Variants in NSD3 observed in about 807,000 individuals in gnomAD.
NSD3 encodes histone-lysine N-methyltransferase NSD3.
In NSD3, 24 loss-of-function variants were observed where a neutral mutation model predicts 160.8. The ratio of observed to expected loss-of-function variants is 0.15; its 90% CI spans 0.11 to 0.21. The LOEUF (loss-of-function observed/expected upper bound fraction) is 0.21. NSD3 is among the 10% of genes least tolerant of loss of function. The pLI, the probability that NSD3 is intolerant of heterozygous loss-of-function variation, is 1.00. For missense variants in NSD3, 1,157 were observed against 1,735.9 expected (o/e 0.67, Z 5.93); for synonymous variants, 520 against 600.0 (o/e 0.87, Z 1.95).
At chr8:38,370,420 G>A (rs952663746) in intron 1 of NSD3, among the ~76,000 whole-genome samples, 11 of 145,554 alleles carry the variant, frequency 7.6e-5, no homozygotes, top group Middle Eastern at 3.3e-3. Flanking sequence ...TCGCTCTGTC[G>A]CCCAGGCTCA....
chr8:38,338,821 C>T (rs1810288292), intron 2 of NSD3, among the ~76,000 whole-genome samples: 1 of 152,108 alleles, frequency 6.6e-6, no homozygotes, highest in African/African-American at 2.4e-5. Flanking sequence ...AGCTTTATCT[C>T]CTTTTTCTTA....
In NSD3 at chr8:38,276,347, A is replaced by G; in HGVS notation, c.4021T>C (p.Cys1341Arg). Residue 1341 changes from cysteine (C) to arginine (R), a missense_variant, in exon 23 of 24, where the codon TGT becomes CGT. By Grantham distance (180) the Cys-to-Arg change is radical. Coordinates refer to ENST00000317025, the MANE Select transcript of NSD3 (RefSeq NM_023034.2). ...CATAGGAGGTGGTATGCTTTGGGAC[A>G]GTCTTTTTTGTCACACATGACCAGC... is the stretch of plus-strand genomic sequence containing the variant. ...GELVMCDKKD[C>R]PKAYHLLCLN... The G allele has an allele frequency of 6.2e-7, 1 of 1,614,228 alleles. No individual in the cohort carries two copies. The highest frequency in any genetic ancestry group is 8.5e-7 in the Non-Finnish European group (1 of 1,180,034).
intron 1 of NSD3, among the ~76,000 whole-genome samples, chr8:38,354,390 TACAC>T (rs1417917901): frequency 1.3e-5 from 2 of 152,244 alleles, no homozygotes; most frequent in African/African-American, 2.4e-5. Context: ...TGGATTTAAA[TACAC>T]ACAAACACAA....
At chr8:38,377,827 G>C (rs1456557940) in intron 1 of NSD3, among the ~76,000 whole-genome samples, 1 of 152,008 alleles carries the variant, frequency 6.6e-6, no homozygotes, top group Non-Finnish European at 1.5e-5. Flanking sequence ...CAGCTACTCG[G>C]GAGACTGAGG....
rs1406226745 is a variant in NSD3, at chr8:38,279,531, C to G, written c.3760+9G>C. On this transcript the variant is annotated intron_variant, in intron 21 of 23. Coordinates refer to ENST00000317025, the MANE Select transcript of NSD3 (RefSeq NM_023034.2). ...GGAGGAAAGCATGGGGAACGAGTCACTTTTTTACCTGCAGGAATATCACAG... is the reference window on the plus strand; with the variant it reads ...GGAGGAAAGCATGGGGAACGAGTCAGTTTTTTACCTGCAGGAATATCACAG... 6.2e-7 allele frequency: 1 copy of G among 1,613,256 alleles called. No individual in the cohort carries two copies.
intron 2 of NSD3, among the ~76,000 whole-genome samples, chr8:38,339,536 C>A (rs1057324410): frequency 6.6e-6 from 1 of 152,050 alleles, no homozygotes; most frequent in East Asian, 1.9e-4. Flanking sequence ...ACCATCCTGG[C>A]CAACATGGTG....
intron 6 of NSD3, among the ~76,000 whole-genome samples, chr8:38,327,979 ACAGCT>A (rs1037588497): frequency 6.6e-6 from 1 of 152,202 alleles, no homozygotes; most frequent in African/African-American, 2.4e-5. Context: ...AGGCAGGAGA[ACAGCT>A]AGAGGCCAGG....
intron 1 of NSD3, among the ~76,000 whole-genome samples, chr8:38,351,386 C>T (rs928330957): frequency 2.0e-5 from 3 of 150,378 alleles, no homozygotes; most frequent in African/African-American, 4.9e-5. Context: ...ATCCTGAGGC[C>T]GGGCGCCGTG....
intron 14 of NSD3, among the ~76,000 whole-genome samples, chr8:38,301,925 A>G (rs144706290): frequency 6.6e-6 from 1 of 152,368 alleles, no homozygotes; most frequent in Non-Finnish European, 1.5e-5. Context: ...ATTACAAAGA[A>G]AGGCATAGAA....
chr8:38,361,603 AAGTT>A (rs1810966754), intron 1 of NSD3, among the ~76,000 whole-genome samples: 1 of 151,638 alleles, frequency 6.6e-6, no homozygotes, highest in Non-Finnish European at 1.5e-5. Context: ...AAAATACAAA[AAGTT>A]AGCCAGGCGT....
intron 12 of NSD3, among the ~76,000 whole-genome samples, chr8:38,313,808 T>A (rs1056612963): frequency 1.6e-4 from 24 of 150,158 alleles, no homozygotes; most frequent in Non-Finnish European, 3.1e-4. Context: ...AAAAAAAAAT[T>A]ACTAACTTTT....
In NSD3 at chr8:38,308,230, C is replaced by T. The variant is rs117360197; in HGVS notation, c.2243-2785G>A. On this transcript the variant is annotated intron_variant, in intron 12 of 23. Transcript: ENST00000317025. ...ACAAATTTGCTGAATTATAAAAGTT[C>T]TTTAAAATGAGTAGTTGAAACTGTG... Among the ~76,000 whole-genome samples the T allele has an allele frequency of 4.1e-4, 63 of 152,170 alleles. No individual in the cohort carries two copies. In the East Asian group the frequency reaches 0.011, roughly 28 times the overall value.
intron 2 of NSD3, among the ~76,000 whole-genome samples, chr8:38,346,971 A>G (rs1009309317): frequency 5.3e-5 from 8 of 152,216 alleles, no homozygotes; most frequent in African/African-American, 7.2e-5. Context: ...TCAGCAGCAT[A>G]TATCTTAAGT....
intron 1 of NSD3, among the ~76,000 whole-genome samples, chr8:38,371,200 C>T (rs1811237070): frequency 2.0e-5 from 3 of 151,870 alleles, no homozygotes; most frequent in Admixed American, 6.6e-5. Flanking sequence ...GGATATAGAA[C>T]AAAATATTAA....
At chr8:38,281,947 C>A (rs1036779510) in intron 19 of NSD3, among the ~76,000 whole-genome samples, 2 of 152,172 alleles carry the variant, frequency 1.3e-5, no homozygotes, top group Non-Finnish European at 2.9e-5. Flanking sequence ...TGGAAGAGAT[C>A]TGAATCTGAA....
rs1300143655 is a variant in NSD3, at chr8:38,318,224, AT to A, written c.1855+670del. ...TGCAGAGAGGCTGTTGTTTTATTTT[AT>A]TTTTAAATAATGCAATTTGCCCAGA... is the stretch of plus-strand genomic sequence containing the variant. On this transcript the variant is annotated intron_variant, in intron 9 of 23. Transcript: ENST00000317025. The surrounding 1 kb of genome is among the most constrained non-coding windows in gnomAD (Gnocchi z 5.3). Among the ~76,000 whole-genome samples, 2 of 152,022 alleles carry A rather than the reference AT, an allele frequency of 1.3e-5. No homozygotes were observed. Among genetic ancestry groups the A allele is most frequent in the South Asian group, 4.2e-4 (2 of 4,816 alleles).
chr8:38,315,234 G>A (rs1170514500), intron 11 of NSD3, among the ~76,000 whole-genome samples, 182 bp downstream of exon 11: 1 of 152,178 alleles, frequency 6.6e-6, no homozygotes, highest in East Asian at 1.9e-4. Flanking sequence ...AGATTGGCAT[G>A]TGGGTAAGTA....
Position 38,326,599 on chromosome 8 carries a change from A to G in NSD3, c.1708+131T>C, listed in dbSNP as rs568876131. ...CTTTCCTATTAAAGTAACTGCTTTTATATTTTGATTTTTAAATATAATTTA... is the reference window on the plus strand; with the variant it reads ...CTTTCCTATTAAAGTAACTGCTTTTGTATTTTGATTTTTAAATATAATTTA... On this transcript the variant is annotated intron_variant, in intron 7 of 23. Transcript: ENST00000317025. The G allele has an allele frequency of 2.5e-5, 28 of 1,125,776 alleles. No homozygotes were observed. The Admixed American group carries it at 5.5e-4, about 22-fold the overall frequency. The allele number at this position is 1,125,776 out of a possible 1,614,324, so 69.7% of individuals were successfully genotyped here.
At chr8:38,297,371 T>C (rs1258976183) in intron 15 of NSD3, among the ~76,000 whole-genome samples, 2 of 152,198 alleles carry the variant, frequency 1.3e-5, no homozygotes, top group African/African-American at 4.8e-5. Flanking sequence ...TGTTAACCAC[T>C]GAAGATGAAA....
Sources: gnomAD v4.1 joint callset for allele counts (sites outside exome capture counted in the v4.1 genomes callset) on GRCh38, gnomAD v4.1.1 for gene constraint, Gnocchi (gnomAD v3.1) non-coding constraint, MANE v1.5 for transcripts, NCBI Gene and HGNC (gene_info 2026-07-23, HGNC 2026-07-21) for gene names.